U2SURP: variants seen among roughly 807,000 people sequenced by gnomAD.
U2SURP encodes the protein U2 snRNP associated SURP domain containing, also known as U2 snRNP-associated SURP motif-containing protein.
U2SURP carries 9 observed loss-of-function variants against 144.9 expected under a neutral mutation model. The observed-to-expected ratio is 0.06, with a 90% CI of 0.04 to 0.11. The LOEUF (loss-of-function observed/expected upper bound fraction) is 0.11. U2SURP is among the 10% of genes least tolerant of loss of function. The pLI, the probability that U2SURP is intolerant of heterozygous loss-of-function variation, is 1.00. For synonymous variants in U2SURP, 408 were observed against 396.8 expected (o/e 1.03, Z -0.33); for missense variants, 724 against 1,226.7 (o/e 0.59, Z 6.12).
rs1285413309 is a variant in U2SURP, at chr3:143,019,961, C to A, written c.571-8C>A. The stretch of plus-strand genomic sequence containing the variant: ...TGTTTGAAGTATAACTTGTCATATC[C>A]TTTATAGCCACTTAAAAAAGGAGAG... On this transcript the variant is annotated splice_region_variant and splice_polypyrimidine_tract_variant and intron_variant, in intron 6 of 27. Transcript: ENST00000473835. 6.7e-7 allele frequency: 1 copy of A among 1,487,468 alleles called. No individual in the cohort carries two copies. Among genetic ancestry groups the A allele is most frequent in the Non-Finnish European group, 9.0e-7 (1 of 1,106,702 alleles). 92.1% of individuals were successfully genotyped at this position (1,487,468 alleles called of 1,614,324 possible). A position where few individuals can be genotyped will look rare whatever the true frequency, so the allele number is the denominator to read the frequency against.
Position 143,036,050 on chromosome 3 carries a change from A to G in U2SURP, c.2010A>G (p.Lys670=). The part of the protein sequence containing the change: ...WAIYPEPFLI[K]LQNIFLGLVN... Reference sequence around the variant, plus strand: ...TTTATCCAGAACCATTTTTGATCAAACTACAAAATATTTTCTTAGGACTTG... The same window carrying G: ...TTTATCCAGAACCATTTTTGATCAAGCTACAAAATATTTTCTTAGGACTTG... The change falls in exon 20 of 28, where the codon AAA becomes AAG. Residue 670 remains lysine, a synonymous_variant. Transcript: ENST00000473835. 1 of 1,611,834 alleles carries G rather than the reference A, an allele frequency of 6.2e-7. No homozygotes were observed. The highest frequency in any genetic ancestry group is 1.1e-5 in the South Asian group (1 of 90,780).
At chr3:143,008,098 G>A (rs1480346040) in intron 1 of U2SURP, among the ~76,000 whole-genome samples, 1 of 152,248 alleles carries the variant, frequency 6.6e-6, no homozygotes, top group African/African-American at 2.4e-5. Flanking sequence ...GCTACACTAT[G>A]CTGTTACTGC....
chr3:143,043,031 G>A, intron 23 of U2SURP, 86 bp from the exon 24 acceptor site: 1 of 1,313,560 alleles, frequency 7.6e-7, no homozygotes. Context: ...TAAGCTCTAA[G>A]ACAATGAAAA....
At chr3:143,008,658 C>T (rs1935966791) in intron 1 of U2SURP, among the ~76,000 whole-genome samples, 1 of 152,136 alleles carries the variant, frequency 6.6e-6, no homozygotes, top group African/African-American at 2.4e-5. Context: ...ATATACATTT[C>T]TTAAATTGGT....
intron 13 of U2SURP, chr3:143,026,320 T>C (rs1183746653): frequency 2.6e-5 from 4 of 152,166 alleles, no homozygotes; most frequent in Admixed American, 1.3e-4. Context: ...GGAAAATAAT[T>C]GTTACAGAAA....
chr3:143,044,143 T>C (rs1168457814), intron 24 of U2SURP, among the ~76,000 whole-genome samples: 2 of 152,142 alleles, frequency 1.3e-5, no homozygotes, highest in Non-Finnish European at 2.9e-5. Flanking sequence ...TACATTTTAT[T>C]AGGCTCATTT....
At chr3:143,001,786 G>C (rs1935538502) in intron 1 of U2SURP, 113 bp downstream of exon 1, 1 of 1,410,558 alleles carries the variant, frequency 7.1e-7, no homozygotes, top group Admixed American at 2.1e-5. Flanking sequence ...TTCTAGTCGC[G>C]ACGGTAGGCC....
chr3:143,027,251 C>A lies in U2SURP; in HGVS notation c.1377C>A (p.Phe459Leu). The A allele has an allele frequency of 6.2e-7, 1 of 1,609,952 alleles. No homozygotes were observed. Among genetic ancestry groups the A allele is most frequent in the South Asian group, 1.1e-5 (1 of 90,496 alleles). The change falls in exon 14 of 28, where the codon TTC becomes TTA. Residue 459 changes from phenylalanine (F) to leucine (L), a missense_variant and splice_region_variant. By Grantham distance (22) the Phe-to-Leu change is conservative (BLOSUM62 0). This residue lies in a region of U2SURP where 64 missense variants were observed against 164.1 expected (regional missense o/e 0.39). Coordinates refer to ENST00000473835, the MANE Select transcript of U2SURP (RefSeq NM_001080415.2). ...ACAGAGAAATCAACAATCCTATGTTCAGGTGTGCATTTTTTAAAAATTGTG... is the reference window on the plus strand; with the variant it reads ...ACAGAGAAATCAACAATCCTATGTTAAGGTGTGCATTTTTTAAAAATTGTG... ...IMNREINNPMFRFLFENQTPA... is the reference protein window; with the variant it reads ...IMNREINNPMLRFLFENQTPA...
At position 143,001,648 on chromosome 3, in the gene U2SURP, G is replaced by A; in HGVS notation, c.20G>A (p.Gly7Asp). ...CTCAAGATGGCGGACAAAACGCCAG[G>A]CGGATCTCAGAAGGCCAGTTCAAAG... Reference protein sequence around the residue: MADKTPGGSQKASSKTR... With the variant: MADKTPDGSQKASSKTR... Residue 7 changes from glycine to aspartate, a missense_variant, in exon 1 of 28, where the codon GGC (glycine) becomes GAC (aspartate). Physicochemically the swap from Gly to Asp is moderately conservative, Grantham distance 94. Around this residue, in one of 13 missense-constraint regions of U2SURP, gnomAD observed 127 missense variants for 98.2 expected, o/e 1.29. Coordinates refer to ENST00000473835, the MANE Select transcript of U2SURP (RefSeq NM_001080415.2). 6.2e-7 allele frequency: 1 copy of A among 1,614,022 alleles called. No homozygotes were observed. Among genetic ancestry groups the A allele is most frequent in the Non-Finnish European group, 8.5e-7 (1 of 1,179,898 alleles).
intron 4 of U2SURP, among the ~76,000 whole-genome samples, chr3:143,015,481 C>T (rs1389846969): frequency 6.6e-6 from 1 of 151,942 alleles, no homozygotes; most frequent in Non-Finnish European, 1.5e-5. Context: ...ATGTTTTCCT[C>T]TACTACTGAA....
At chr3:143,021,174 G>A (rs150548760) in intron 8 of U2SURP, among the ~76,000 whole-genome samples, 176 bp from the exon 9 acceptor site, 298 of 152,250 alleles carry the variant, frequency 2.0e-3, no homozygotes, top group Non-Finnish European at 2.6e-3. Context: ...CTGGGCGACA[G>A]AGCAAGAGTC....
intron 19 of U2SURP, among the ~76,000 whole-genome samples, chr3:143,035,266 C>T (rs765296084): frequency 6.6e-5 from 10 of 151,950 alleles, no homozygotes; most frequent in Middle Eastern, 3.2e-3. Context: ...ATGGTATATA[C>T]TATTTGGCTG....
intron 8 of U2SURP, 119 bp from the exon 9 acceptor site, chr3:143,021,231 C>A (rs1936614860): frequency 1.8e-6 from 2 of 1,103,508 alleles, no homozygotes; most frequent in Admixed American, 2.4e-5. Flanking sequence ...GTGAAGTGGT[C>A]TCTCTTTTTG....
chr3:143,022,680 A>G lies in U2SURP; in HGVS notation c.1018+18A>G, dbSNP rs763390783. The G allele has an allele frequency of 6.2e-7, 1 of 1,601,780 alleles. No homozygotes were observed. The highest frequency in any genetic ancestry group is 2.2e-5 in the East Asian group (1 of 44,676). On this transcript the variant is annotated intron_variant, in intron 11 of 27. Transcript: ENST00000473835. Reference sequence around the variant, plus strand: ...TTTGAATGGTAAGAACATTTTTATTATCCATTTATACAATTCAGATATTTC... The same window carrying G: ...TTTGAATGGTAAGAACATTTTTATTGTCCATTTATACAATTCAGATATTTC...
At chr3:143,025,004 A>G (rs1347503180) in intron 13 of U2SURP, among the ~76,000 whole-genome samples, 4 of 152,144 alleles carry the variant, frequency 2.6e-5, no homozygotes, top group Admixed American at 2.6e-4. Flanking sequence ...ATTCTAATAG[A>G]AAAGTCACCA....
At chr3:143,048,219 C>T (rs1934646616) in intron 24 of U2SURP, among the ~76,000 whole-genome samples, 1 of 152,162 alleles carries the variant, frequency 6.6e-6, no homozygotes, top group South Asian at 2.1e-4. Flanking sequence ...GACCCTTGAT[C>T]ATCTGTTTTC....
At chr3:143,019,520 A>G (rs569465019) in intron 6 of U2SURP, among the ~76,000 whole-genome samples, 2 of 152,340 alleles carry the variant, frequency 1.3e-5, no homozygotes, top group Admixed American at 1.3e-4. Context: ...TTGTCCAAGC[A>G]CCATTTGTTG....
intron 1 of U2SURP, among the ~76,000 whole-genome samples, chr3:143,009,477 A>G (rs1041869175): frequency 1.3e-4 from 19 of 151,964 alleles, no homozygotes; most frequent in Middle Eastern, 3.4e-3. Context: ...GCGTGCCTGT[A>G]CTCCTAGCTA....
intron 25 of U2SURP, among the ~76,000 whole-genome samples, chr3:143,051,313 C>T (rs1934840539): frequency 6.6e-6 from 1 of 152,138 alleles, no homozygotes; most frequent in Non-Finnish European, 1.5e-5. Context: ...GCTTTCAAAA[C>T]TGGAAAACCC....
Sources: gnomAD v4.1 joint callset for allele counts (sites outside exome capture counted in the v4.1 genomes callset) on GRCh38, gnomAD v4.1.1 for gene constraint, gnomAD v4.1.1 regional missense constraint, MANE v1.5 for transcripts, NCBI Gene and HGNC (gene_info 2026-07-23, HGNC 2026-07-21) for gene names.